Variants in RASSF3 observed in about 807,000 individuals in gnomAD.
RASSF3 encodes ras association domain-containing protein 3.
A neutral mutation model predicts 19.9 loss-of-function variants in RASSF3; 19 were observed. The ratio of observed to expected loss-of-function variants is 0.96; its 90% CI spans 0.67 to 1.40. RASSF3 has a LOEUF of 1.40. Among genes scored for constraint, RASSF3 ranks in the 40% most tolerant of loss-of-function variants. The pLI, the probability that RASSF3 is intolerant of heterozygous loss-of-function variation, is 0.00. For missense variants in RASSF3, 306 were observed against 289.8 expected (o/e 1.06, Z -0.41); for synonymous variants, 110 against 104.2 (o/e 1.06, Z -0.34).
At chr12:64,597,544 C>T (rs1399101740) in intron 2 of RASSF3, among the ~76,000 whole-genome samples, 4 of 151,950 alleles carry the variant, frequency 2.6e-5, no homozygotes, top group African/African-American at 9.7e-5. Context: ...GCAACCTTTC[C>T]CTCCCAGGTT....
chr12:64,670,503 CAG>C (rs1312806191), intron 1 of RASSF3, among the ~76,000 whole-genome samples: 1 of 150,280 alleles, frequency 6.7e-6, no homozygotes. Context: ...ACCAATCAGG[CAG>C]AAACTATTTG....
rs777690659 is a variant in RASSF3, at chr12:64,688,445, A to C, written c.449A>C (p.Glu150Ala). 6.2e-7 allele frequency: 1 copy of C among 1,611,334 alleles called. No homozygotes were observed. Among genetic ancestry groups the C allele is most frequent in the Non-Finnish European group, 8.5e-7 (1 of 1,177,410 alleles). Reference sequence around the variant, plus strand: ...GCACTTTATAAGCGTTGTCACAGGGAAGACCAAGGTACGCTGCCAGCTTAA... The same window carrying C: ...GCACTTTATAAGCGTTGTCACAGGGCAGACCAAGGTACGCTGCCAGCTTAA... ...KFALYKRCHR[E>A]DQVYACKLSD... The change falls in exon 3 of 5, where the codon GAA (glutamate) becomes GCA (alanine). Residue 150 changes from glutamate (E) to alanine (A), a missense_variant. By Grantham distance (107) the Glu-to-Ala change is moderately radical. Transcript: ENST00000542104.
At chr12:64,553,114 G>C (rs1240183625) in intron 2 of RASSF3, among the ~76,000 whole-genome samples, 12 of 152,156 alleles carry the variant, frequency 7.9e-5, no homozygotes, top group Admixed American at 7.9e-4. Context: ...AACGTTTTCT[G>C]TCTGCCCTCA....
chr12:64,672,359 G>A (rs1025774136), intron 1 of RASSF3, among the ~76,000 whole-genome samples: 18 of 152,198 alleles, frequency 1.2e-4, no homozygotes, highest in Admixed American at 6.5e-4. Context: ...CTGTGTAGCT[G>A]GGATTACAGG....
chr12:64,553,106 C>T (rs1375092707), intron 2 of RASSF3, among the ~76,000 whole-genome samples: 6 of 152,274 alleles, frequency 3.9e-5, no homozygotes, highest in South Asian at 4.1e-4. Context: ...AGTCTATAAA[C>T]GTTTTCTGTC....
At chr12:64,650,276 T>G (rs1871893578) in intron 1 of RASSF3, among the ~76,000 whole-genome samples, 1 of 152,180 alleles carries the variant, frequency 6.6e-6, no homozygotes, top group Non-Finnish European at 1.5e-5. Context: ...GAGGAAGCAG[T>G]GCCTCAAGGC....
chr12:64,561,416 C>T (rs969882907), intron 2 of RASSF3, among the ~76,000 whole-genome samples: 15 of 152,148 alleles, frequency 9.9e-5, no homozygotes, highest in African/African-American at 3.1e-4. Flanking sequence ...CACGCATTGC[C>T]GCACATTTGG....
At chr12:64,549,641 T>C (rs547791541) in intron 2 of RASSF3, among the ~76,000 whole-genome samples, 94 of 152,310 alleles carry the variant, frequency 6.2e-4, no homozygotes, top group African/African-American at 2.2e-3. Context: ...GCAAGGCCTC[T>C]ACCAAGCTCC....
At chr12:64,689,627 A>G (rs1204606618) in intron 3 of RASSF3, among the ~76,000 whole-genome samples, 1 of 152,170 alleles carries the variant, frequency 6.6e-6, no homozygotes, top group Non-Finnish European at 1.5e-5. Context: ...ATCTGAAAGT[A>G]ATCGTGACTT....
chr12:64,695,247 A>G lies in RASSF3; in HGVS notation c.*335A>G, dbSNP rs1427298666. On this transcript the variant is annotated 3_prime_UTR_variant, in exon 5 of 5. Transcript: ENST00000542104. ...TTTTAATTATGTGATGATGCTGTTA[A>G]GCTTACAGATATGCAGTTGATTTTT... 4.8e-6 allele frequency: 1 copy of G among 208,610 alleles called. No homozygotes were observed. The highest frequency in any genetic ancestry group is 9.6e-6 in the Non-Finnish European group (1 of 104,600). 12.9% of individuals were successfully genotyped at this position (208,610 alleles called of 1,614,324 possible).
intron 1 of RASSF3, among the ~76,000 whole-genome samples, chr12:64,645,361 C>T (rs1293623034): frequency 6.6e-6 from 1 of 151,842 alleles, no homozygotes; most frequent in Non-Finnish European, 1.5e-5. Flanking sequence ...TGAATTTATC[C>T]TTAAGAAATA....
chr12:64,695,203 G>GT lies in RASSF3; in HGVS notation c.*292dup. 1 of 299,508 alleles carries GT rather than the reference G, an allele frequency of 3.3e-6. No individual in the cohort carries two copies. The highest frequency in any genetic ancestry group is 6.2e-6 in the Non-Finnish European group (1 of 162,282). 18.6% of individuals were successfully genotyped at this position (299,508 alleles called of 1,614,324 possible). Reference sequence around the variant, plus strand: ...GTGCTTGGAAGCATGAACTCTGGGGGTGTTTTTTTTTTTGGTTATTTTAAT... The same window carrying GT: ...GTGCTTGGAAGCATGAACTCTGGGGGTTGTTTTTTTTTTTGGTTATTTTAAT... On this transcript the variant is annotated 3_prime_UTR_variant, in exon 5 of 5. Coordinates refer to ENST00000542104, the MANE Select transcript of RASSF3 (RefSeq NM_178169.4).
intron 2 of RASSF3, among the ~76,000 whole-genome samples, chr12:64,604,783 G>T (rs1007535880): frequency 1.4e-5 from 2 of 147,684 alleles, no homozygotes; most frequent in African/African-American, 5.0e-5. Flanking sequence ...GACTACAGGC[G>T]CCCGCCACCG....
rs1390071855 is a variant in RASSF3, at chr12:64,516,571, A to T, written c.169+9242A>T. On this transcript the variant is annotated intron_variant, in intron 1 of 5. Transcript: ENST00000637125. Reference sequence around the variant, plus strand: ...GAGGCGGAGCTTGCAGTGAGCCGAGATCCCGCCACTGCACTCCAGCCTGGG... The same window carrying T: ...GAGGCGGAGCTTGCAGTGAGCCGAGTTCCCGCCACTGCACTCCAGCCTGGG... 8.8e-5 allele frequency among the ~76,000 whole-genome samples: 13 copies of T among 148,456 alleles called. No homozygotes were observed. In the East Asian group the frequency reaches 2.6e-3, roughly 29 times the overall value.
At chr12:64,658,691 C>G (rs1237183790) in intron 1 of RASSF3, among the ~76,000 whole-genome samples, 1 of 152,120 alleles carries the variant, frequency 6.6e-6, no homozygotes, top group Non-Finnish European at 1.5e-5. Context: ...GCCCTAGCCA[C>G]TTGGGAGGCT....
chr12:64,611,276 A>G (rs568018198), intron 1 of RASSF3, among the ~76,000 whole-genome samples: 31 of 152,292 alleles, frequency 2.0e-4, no homozygotes, highest in African/African-American at 7.5e-4. Context: ...GGGCCTCGCC[A>G]CCATAGGCTC....
chr12:64,626,505 A>AG (rs1555213011), intron 1 of RASSF3, among the ~76,000 whole-genome samples: 1 of 151,064 alleles, frequency 6.6e-6, no homozygotes, highest in African/African-American at 2.4e-5. Flanking sequence ...AAAAAAAAAA[A>AG]GAAAAAAAAA....
chr12:64,697,310 C>T lies in RASSF3; in HGVS notation c.*2398C>T, dbSNP rs1194918027. On this transcript the variant is annotated 3_prime_UTR_variant, in exon 5 of 5. Coordinates refer to ENST00000542104, the MANE Select transcript of RASSF3 (RefSeq NM_178169.4). ...CTAAGGCCAAAGATTTTTTAAGAAT[C>T]ATTGTACAAATCATTATGTTAAACT... 1 of 152,060 alleles carries T rather than the reference C, an allele frequency of 6.6e-6. No homozygotes were observed. Among genetic ancestry groups the T allele is most frequent in the Admixed American group, 6.6e-5 (1 of 15,254 alleles). The allele number at this position is 152,060 out of a possible 1,614,324, so 9.4% of individuals were successfully genotyped here.
At chr12:64,671,656 A>C (rs1163520260) in intron 1 of RASSF3, among the ~76,000 whole-genome samples, 1 of 152,212 alleles carries the variant, frequency 6.6e-6, no homozygotes, top group East Asian at 1.9e-4. Flanking sequence ...CTTCCTTGGC[A>C]GGAGGAGGAA....
Sources: gnomAD v4.1 joint callset for allele counts (sites outside exome capture counted in the v4.1 genomes callset) on GRCh38, gnomAD v4.1.1 for gene constraint, MANE v1.5 for transcripts, NCBI Gene and HGNC (gene_info 2026-07-23, HGNC 2026-07-21) for gene names.